Variants in MAP4K3 observed in about 807,000 individuals in gnomAD.
MAP4K3 encodes the protein MAPK/ERK kinase kinase kinase 3.
A neutral mutation model predicts 143.5 loss-of-function variants in MAP4K3; 94 were observed. The ratio of observed to expected loss-of-function variants is 0.65; its 90% CI spans 0.55 to 0.78. The LOEUF is 0.78. Among genes scored for constraint, MAP4K3 ranks in the 30% least tolerant of loss-of-function variants. The pLI is 0.00. For missense variants in MAP4K3, 1,077 were observed against 1,068.1 expected (o/e 1.01, Z -0.12); for synonymous variants, 416 against 347.2 (o/e 1.20, Z -2.20).
At chr2:39,375,603 G>A (rs763939224) in intron 2 of MAP4K3, among the ~76,000 whole-genome samples, 52 of 152,144 alleles carry the variant, frequency 3.4e-4, no homozygotes, top group Non-Finnish European at 3.7e-4. Context: ...TTGTAGTTAC[G>A]TATCTTTAAT....
chr2:39,293,984 T>C (rs757237767), intron 16 of MAP4K3: 5 of 152,230 alleles, frequency 3.3e-5, no homozygotes, highest in Non-Finnish European at 5.9e-5. Flanking sequence ...GAGAGAACTA[T>C]GGCATTCCTG....
intron 24 of MAP4K3, among the ~76,000 whole-genome samples, chr2:39,278,055 G>A (rs1284547406): frequency 1.3e-5 from 2 of 148,462 alleles, no homozygotes; most frequent in Admixed American, 6.9e-5. Flanking sequence ...GCCGAGGCGG[G>A]CAGATCACCT....
chr2:39,436,760 C>T, intron 1 of MAP4K3, 132 bp downstream of exon 1: 1 of 724,846 alleles, frequency 1.4e-6, no homozygotes, highest in Non-Finnish European at 2.3e-6. Context: ...CCCTTGGCGT[C>T]CGCAGCTCCT....
At chr2:39,359,159 A>C (rs1034783115) in intron 2 of MAP4K3, among the ~76,000 whole-genome samples, 5 of 152,200 alleles carry the variant, frequency 3.3e-5, no homozygotes, top group African/African-American at 1.2e-4. Flanking sequence ...TTGGGTAAAT[A>C]CAGCTGTTCC....
chr2:39,270,617 C>T (rs6756183), intron 26 of MAP4K3, among the ~76,000 whole-genome samples: 134,997 of 152,212 alleles, frequency 0.89, 60,050 homozygotes, highest in Non-Finnish European at 0.92. Context: ...GTATAATTTA[C>T]CCAAGGTCCC....
At chr2:39,396,162 G>A (rs979208987) in intron 1 of MAP4K3, among the ~76,000 whole-genome samples, 1 of 151,686 alleles carries the variant, frequency 6.6e-6, no homozygotes, top group African/African-American at 2.4e-5. Context: ...CTCGGACTCC[G>A]GAGCAGTTGG....
intron 1 of MAP4K3, among the ~76,000 whole-genome samples, chr2:39,435,395 C>A (rs1237750628): frequency 6.6e-6 from 1 of 152,208 alleles, no homozygotes; most frequent in Non-Finnish European, 1.5e-5. Flanking sequence ...TCTGGCTGCT[C>A]AGGCTATACA....
At chr2:39,331,820 A>C in intron 8 of MAP4K3, 97 bp downstream of exon 8, 1 of 731,762 alleles carries the variant, frequency 1.4e-6, no homozygotes, top group Non-Finnish European at 2.1e-6. Flanking sequence ...TTTTTTCTTA[A>C]TCTTAGTCTG....
At chr2:39,254,856 A>G (rs1485685365) in intron 31 of MAP4K3, among the ~76,000 whole-genome samples, 2 of 152,184 alleles carry the variant, frequency 1.3e-5, no homozygotes, top group Middle Eastern at 3.2e-3. Flanking sequence ...CCAGGGTTAA[A>G]GCCATGAGCC....
At chr2:39,332,809 C>T (rs984604426) in intron 7 of MAP4K3, among the ~76,000 whole-genome samples, 2 of 151,950 alleles carry the variant, frequency 1.3e-5, no homozygotes, top group African/African-American at 4.8e-5. Flanking sequence ...ATTCTTAAAT[C>T]TGATTAATCT....
At chr2:39,326,710 C>A (rs558933586) in intron 8 of MAP4K3, among the ~76,000 whole-genome samples, 4 of 152,232 alleles carry the variant, frequency 2.6e-5, no homozygotes, top group South Asian at 2.1e-4. Context: ...GAACTGTAAT[C>A]CCCATGTGTT....
At position 39,293,004 on chromosome 2, in the gene MAP4K3, T is replaced by C. The variant is rs527287490; in HGVS notation, c.1218-178A>G. ...TGGGAGCGGTGGATCGTGATGTCCG[T>C]TACTAGGGAGGATGAGGTGGAAAGA... On this transcript the variant is annotated intron_variant, in intron 17 of 33. Coordinates refer to ENST00000263881, the MANE Select transcript of MAP4K3 (RefSeq NM_003618.4). Among the ~76,000 whole-genome samples, 3 of 152,094 alleles carry C rather than the reference T, an allele frequency of 2.0e-5. No homozygotes were observed. The East Asian group carries it at 5.8e-4, about 29-fold the overall frequency.
chr2:39,389,740 C>T (rs1666602074), intron 1 of MAP4K3, among the ~76,000 whole-genome samples: 1 of 152,036 alleles, frequency 6.6e-6, no homozygotes, highest in African/African-American at 2.4e-5. Flanking sequence ...GGGCTCACTG[C>T]CAAAAGATGT....
chr2:39,268,146 C>T (rs905489054), intron 26 of MAP4K3, among the ~76,000 whole-genome samples: 26 of 152,066 alleles, frequency 1.7e-4, no homozygotes, highest in Admixed American at 8.5e-4. Flanking sequence ...GTTTTGCAAA[C>T]ATCTGACTCG....
In MAP4K3 at chr2:39,331,945, G is replaced by A. The variant is rs1252160971; in HGVS notation, c.502C>T (p.Arg168Trp). The A allele has an allele frequency of 9.6e-6, 15 of 1,566,000 alleles. No homozygotes were observed. The highest frequency in any genetic ancestry group is 2.2e-5 in the East Asian group (1 of 44,556). Residue 168 changes from arginine (R) to tryptophan (W), a missense_variant, in exon 8 of 34, where the codon CGG becomes TGG. Arg to Trp is a moderately radical substitution (Grantham distance 101). Around this residue, in one of 2 missense-constraint regions of MAP4K3, gnomAD observed 213 missense variants for 266.8 expected, o/e 0.80. Coordinates refer to ENST00000263881, the MANE Select transcript of MAP4K3 (RefSeq NM_003618.4). ...SAQITATIAKRKSFIGTPYWM... is the reference protein window; with the variant it reads ...SAQITATIAKWKSFIGTPYWM... ...TATGGTGTGCCAATGAAAGACTTCCGTTTGGCAATTGTAGCTGTTATCTGT... is the reference window on the plus strand; with the variant it reads ...TATGGTGTGCCAATGAAAGACTTCCATTTGGCAATTGTAGCTGTTATCTGT...
chr2:39,376,482 C>T (rs1186056415), intron 2 of MAP4K3, among the ~76,000 whole-genome samples: 1 of 152,100 alleles, frequency 6.6e-6, no homozygotes, highest in East Asian at 1.9e-4. Context: ...ATTTCATGAA[C>T]AGAAAATAAT....
intron 1 of MAP4K3, among the ~76,000 whole-genome samples, chr2:39,433,812 G>C (rs1215143950): frequency 6.6e-6 from 1 of 152,072 alleles, no homozygotes; most frequent in East Asian, 1.9e-4. Context: ...TACGACTTTA[G>C]ACAGTGCAGA....
chr2:39,341,366 A>G (rs1424469261), intron 4 of MAP4K3, among the ~76,000 whole-genome samples: 1 of 152,114 alleles, frequency 6.6e-6, no homozygotes, highest in African/African-American at 2.4e-5. Flanking sequence ...ATCACTGAAA[A>G]AACTTCAGGA....
At chr2:39,384,338 G>A (rs570658067) in intron 1 of MAP4K3, among the ~76,000 whole-genome samples, 20 of 152,180 alleles carry the variant, frequency 1.3e-4, no homozygotes, top group African/African-American at 4.6e-4. Flanking sequence ...CTGAGGTCAG[G>A]AGTTCAAGAC....
Sources: allele counts gnomAD v4.1 joint callset (sites outside exome capture counted in the v4.1 genomes callset), GRCh38; gene constraint gnomAD v4.1.1; regional missense constraint gnomAD v4.1.1; transcripts MANE v1.5; gene names NCBI Gene and HGNC (gene_info 2026-07-23, HGNC 2026-07-21).